The following ESF1 variants were observed in gnomAD, a reference collection of about 807,000 sequenced individuals.
The protein encoded by ESF1 is ESF1 homolog.
ESF1 carries 58 observed loss-of-function variants against 92.0 expected under a neutral mutation model. The observed-to-expected ratio is 0.63, with a 90% CI of 0.51 to 0.78. The LOEUF (loss-of-function observed/expected upper bound fraction) is 0.78. ESF1 is among the 30% of genes least tolerant of loss of function. The pLI, the probability that ESF1 is intolerant of heterozygous loss-of-function variation, is 0.00. For missense variants in ESF1, 922 were observed against 989.1 expected (o/e 0.93, Z 0.91); for synonymous variants, 321 against 313.7 (o/e 1.02, Z -0.24).
chr20:13,765,914 A>T (rs1403470896), intron 8 of ESF1, among the ~76,000 whole-genome samples: 1 of 152,234 alleles, frequency 6.6e-6, no homozygotes, highest in Admixed American at 6.5e-5. Flanking sequence ...AACAGAGACT[A>T]TGAGTAAAAA....
At chr20:13,731,786 C>G (rs1040354224) in intron 10 of ESF1, among the ~76,000 whole-genome samples, 8 of 152,134 alleles carry the variant, frequency 5.3e-5, no homozygotes, top group Admixed American at 4.6e-4. Flanking sequence ...TAAGACCTTC[C>G]CCAGAGAGGG....
intron 9 of ESF1, among the ~76,000 whole-genome samples, chr20:13,740,204 G>T (rs952478126): frequency 2.6e-5 from 4 of 152,110 alleles, no homozygotes; most frequent in African/African-American, 9.7e-5. Context: ...TTTGACACAG[G>T]CTTCTGCAAT....
intron 10 of ESF1, among the ~76,000 whole-genome samples, chr20:13,729,204 GC>G (rs2049924825): frequency 6.6e-6 from 1 of 152,216 alleles, no homozygotes. Flanking sequence ...GTTGCAGTGA[GC>G]CAAGATGGCG....
chr20:13,752,178 T>C (rs1245851283), intron 9 of ESF1, among the ~76,000 whole-genome samples: 1 of 152,204 alleles, frequency 6.6e-6, no homozygotes, highest in African/African-American at 2.4e-5. Context: ...ATTTCAAACA[T>C]GACTCCAATC....
At chr20:13,728,875 A>T (rs773387275) in intron 10 of ESF1, among the ~76,000 whole-genome samples, 19 of 151,910 alleles carry the variant, frequency 1.3e-4, no homozygotes, top group African/African-American at 1.9e-4. Flanking sequence ...TCAAAAAAAA[A>T]AATAATTAAA....
At chr20:13,727,588 G>C (rs2049909264) in intron 11 of ESF1, among the ~76,000 whole-genome samples, 1 of 152,162 alleles carries the variant, frequency 6.6e-6, no homozygotes, top group Non-Finnish European at 1.5e-5. Flanking sequence ...AAATGCATGA[G>C]AACAAATGGT....
chr20:13,717,317 C>G, intron 13 of ESF1, 51 bp downstream of exon 13: 1 of 1,598,678 alleles, frequency 6.3e-7, no homozygotes, highest in Non-Finnish European at 8.5e-7. Context: ...GCAGAGCTGA[C>G]TTTAGATTCA....
At chr20:13,722,621 A>G (rs1303098362) in intron 11 of ESF1, among the ~76,000 whole-genome samples, 4 of 152,062 alleles carry the variant, frequency 2.6e-5, no homozygotes, top group African/African-American at 4.8e-5. Context: ...AGGCTGAAGG[A>G]GGAAGATTGC....
At chr20:13,777,900 T>C (rs1980015026) in intron 2 of ESF1, among the ~76,000 whole-genome samples, 1 of 152,230 alleles carries the variant, frequency 6.6e-6, no homozygotes, top group Non-Finnish European at 1.5e-5. Context: ...CTTGGTCCTA[T>C]AATCTTATAA....
chr20:13,749,822 C>T (rs563927708), intron 9 of ESF1, among the ~76,000 whole-genome samples: 1 of 152,218 alleles, frequency 6.6e-6, no homozygotes, highest in East Asian at 1.9e-4. Context: ...CCACCTTGTC[C>T]TCCCAAAGTG....
intron 7 of ESF1, among the ~76,000 whole-genome samples, chr20:13,769,530 T>C (rs928483481): frequency 4.6e-5 from 7 of 152,348 alleles, no homozygotes; most frequent in African/African-American, 1.7e-4. Flanking sequence ...TCACGAAACC[T>C]GTAATCCCAG....
intron 10 of ESF1, among the ~76,000 whole-genome samples, chr20:13,729,244 G>A (rs562005319): frequency 1.8e-3 from 270 of 152,340 alleles, no homozygotes; most frequent in Middle Eastern, 3.4e-3. Flanking sequence ...GCGACAGAGC[G>A]AGACTCCGTC....
intron 10 of ESF1, among the ~76,000 whole-genome samples, chr20:13,732,202 C>G (rs1160640658): frequency 6.6e-6 from 1 of 152,168 alleles, no homozygotes; most frequent in East Asian, 1.9e-4. Flanking sequence ...CTGACACTAT[C>G]TCCAGGTAGT....
chr20:13,754,665 C>A (rs1978800862), intron 9 of ESF1, among the ~76,000 whole-genome samples: 6 of 152,176 alleles, frequency 3.9e-5, no homozygotes, highest in Admixed American at 3.9e-4. Context: ...TTTGATTGAT[C>A]TCCCCAATTT....
chr20:13,717,277 G>A, intron 13 of ESF1, 91 bp downstream of exon 13: 1 of 1,488,282 alleles, frequency 6.7e-7, no homozygotes, highest in South Asian at 1.3e-5. Context: ...CATTTTCAAG[G>A]GTAACTTTGA....
At chr20:13,728,987 A>G (rs970651486) in intron 10 of ESF1, among the ~76,000 whole-genome samples, 1 of 152,068 alleles carries the variant, frequency 6.6e-6, no homozygotes, top group Non-Finnish European at 1.5e-5. Context: ...GGCTGGGTGC[A>G]GTGACTCATG....
At chr20:13,752,234 C>A (rs971977615) in intron 9 of ESF1, among the ~76,000 whole-genome samples, 15 of 152,164 alleles carry the variant, frequency 9.9e-5, no homozygotes, top group Admixed American at 2.6e-4. Context: ...ACAAACGCCT[C>A]ATAGTCAACC....
At chr20:13,771,145 A>G (rs1257545030) in intron 6 of ESF1, among the ~76,000 whole-genome samples, 186 bp downstream of exon 6, 1 of 152,246 alleles carries the variant, frequency 6.6e-6, no homozygotes, top group African/African-American at 2.4e-5. Context: ...TGATTCATAC[A>G]TAATACTTTA....
chr20:13,740,049 T>G (rs1233302708), intron 9 of ESF1, among the ~76,000 whole-genome samples: 1 of 152,124 alleles, frequency 6.6e-6, no homozygotes, highest in Non-Finnish European at 1.5e-5. Context: ...CCCCATAGAT[T>G]TATAACCACA....
Sources: allele counts gnomAD v4.1 joint callset (sites outside exome capture counted in the v4.1 genomes callset), GRCh38; gene constraint gnomAD v4.1.1; transcripts MANE v1.5; gene names NCBI Gene and HGNC (gene_info 2026-07-23, HGNC 2026-07-21).